The following PLCL2 variants were observed in gnomAD, a reference collection of about 807,000 sequenced individuals.
PLCL2 encodes inactive phospholipase C-like protein 2.
PLCL2 carries 4 observed loss-of-function variants against 79.6 expected under a neutral mutation model. That is an observed-to-expected ratio of 0.05 (90% CI 0.02 to 0.11). PLCL2 has a LOEUF of 0.11. PLCL2 is among the 10% of genes least tolerant of loss of function. The pLI, the probability that PLCL2 is intolerant of heterozygous loss-of-function variation, is 1.00. For missense variants in PLCL2, 895 were observed against 1,291.0 expected (o/e 0.69, Z 4.70); for synonymous variants, 484 against 457.7 (o/e 1.06, Z -0.73).
chr3:17,059,454 A>G (rs61394289), intron 4 of PLCL2, among the ~76,000 whole-genome samples: 11 of 98,066 alleles, frequency 1.1e-4, no homozygotes, highest in East Asian at 6.4e-4. Context: ...GTGTGTGTGT[A>G]TATATATGTG....
chr3:16,977,971 A>T (rs559031677), intron 1 of PLCL2, among the ~76,000 whole-genome samples: 11 of 152,280 alleles, frequency 7.2e-5, no homozygotes, highest in African/African-American at 2.4e-4. Flanking sequence ...CACTAATCCC[A>T]TTTATTAGGG....
At chr3:16,907,753 T>C (rs1464697285) in intron 1 of PLCL2, among the ~76,000 whole-genome samples, 1 of 152,210 alleles carries the variant, frequency 6.6e-6, no homozygotes, top group Non-Finnish European at 1.5e-5. Context: ...TTAGCAATTT[T>C]TTTTTTGGTA....
intron 1 of PLCL2, among the ~76,000 whole-genome samples, chr3:16,891,118 G>T (rs1696339255): frequency 6.6e-6 from 1 of 152,204 alleles, no homozygotes; most frequent in African/African-American, 2.4e-5. Flanking sequence ...GCCACATGTT[G>T]CGTATCTGGA....
chr3:16,934,813 CGTG>C (rs1697500292), intron 1 of PLCL2, among the ~76,000 whole-genome samples: 1 of 152,140 alleles, frequency 6.6e-6, no homozygotes, highest in Admixed American at 6.5e-5. Flanking sequence ...AATTTTGAGA[CGTG>C]GGCATGGAGG....
At chr3:16,991,744 A>G (rs2064107403) in intron 1 of PLCL2, among the ~76,000 whole-genome samples, 1 of 152,188 alleles carries the variant, frequency 6.6e-6, no homozygotes, top group East Asian at 1.9e-4. Flanking sequence ...TAATGCTTTC[A>G]AAGTAATGCT....
chr3:16,884,983 GGCGGGGAC>G lies in PLCL2; in HGVS notation c.-45_-38del, dbSNP rs1311387585. On this transcript the variant is annotated 5_prime_UTR_variant, in exon 1 of 6. Coordinates refer to ENST00000615277, the MANE Select transcript of PLCL2 (RefSeq NM_001144382.2). This position sits in a 1 kb window ranked among gnomAD's most constrained non-coding sequence, Gnocchi z 9.3. Reference sequence around the variant, plus strand: ...GCCGCGCGCGGCGGCCCGAGGCGGCGGCGGGGACGCGGGGACGCGAGGACGCGGCTTTG... The same window carrying G: ...GCCGCGCGCGGCGGCCCGAGGCGGCGGCGGGGACGCGAGGACGCGGCTTTG... 17 of 182,234 alleles carry G rather than the reference GGCGGGGAC, an allele frequency of 9.3e-5. No homozygotes were observed. Among genetic ancestry groups the G allele is most frequent in the Middle Eastern group, 2.2e-3 (1 of 462 alleles). 11.3% of individuals were successfully genotyped at this position (182,234 alleles called of 1,614,324 possible). A position where few individuals can be genotyped will look rare whatever the true frequency, so the allele number is the denominator to read the frequency against.
In PLCL2 at chr3:17,014,868, T is replaced by C; in HGVS notation, c.2975T>C (p.Ile992Thr). The change falls in exon 3 of 6, where the codon ATT (isoleucine) becomes ACT (threonine). Residue 992 changes from isoleucine to threonine, a missense_variant. By Grantham distance (89) the Ile-to-Thr change is moderately conservative (BLOSUM62 -1). Around this residue, in one of 6 missense-constraint regions of PLCL2, gnomAD observed 298 missense variants for 459.6 expected, o/e 0.65. Coordinates refer to ENST00000615277, the MANE Select transcript of PLCL2 (RefSeq NM_001144382.2). ...TACCCCACAATGGAGCTGCAGGGAA[T>C]TGTGCCGGAGGTTCTGAAGAAGATC... ...EQYPTMELQG[I>T]VPEVLKKIVT... The C allele has an allele frequency of 1.2e-6, 2 of 1,614,132 alleles. No individual in the cohort carries two copies. The highest frequency in any genetic ancestry group is 1.7e-6 in the Non-Finnish European group (2 of 1,179,998).
intron 4 of PLCL2, among the ~76,000 whole-genome samples, chr3:17,059,450 G>GTGTATATATATATACACT (rs1553649924): frequency 0.41 from 60,644 of 146,850 alleles, 13,648 homozygotes; most frequent in African/African-American, 0.58. Context: ...ATGTGTGTGT[G>GTGTATATATATATACACT]TGTATATATA....
At chr3:16,971,442 G>A (rs1343525335) in intron 1 of PLCL2, among the ~76,000 whole-genome samples, 1 of 151,326 alleles carries the variant, frequency 6.6e-6, no homozygotes, top group African/African-American at 2.4e-5. Flanking sequence ...TGGTACCAAG[G>A]TTACTGTAGC....
rs568457343 is a variant in PLCL2 at position 16,927,525 on chromosome 3, G to T, written c.327+42159G>T. ...TCTGGGGCATGAACAAGTTTTTATG[G>T]CTTGGTGGCATCAGAAGTTTAAGAG... On this transcript the variant is annotated intron_variant, in intron 1 of 5. Coordinates refer to ENST00000615277, the MANE Select transcript of PLCL2 (RefSeq NM_001144382.2). Among the ~76,000 whole-genome samples the T allele has an allele frequency of 7.9e-4, 121 of 152,278 alleles. 2 individuals are homozygous for T. In the South Asian group the frequency reaches 0.024, roughly 31 times the overall value.
chr3:16,918,225 G>C (rs543085434), intron 1 of PLCL2, among the ~76,000 whole-genome samples: 48 of 152,226 alleles, frequency 3.2e-4, no homozygotes, highest in African/African-American at 9.9e-4. Flanking sequence ...AGTCAGCAAG[G>C]CATTTAAACC....
chr3:16,902,855 T>TGTGC lies in PLCL2; in HGVS notation c.327+17492_327+17493insCGTG, dbSNP rs1381208443. On this transcript the variant is annotated intron_variant, in intron 1 of 5. Coordinates refer to ENST00000615277, the MANE Select transcript of PLCL2 (RefSeq NM_001144382.2). ...AAAAAAAAAAAAAAAATGCAGTGCG[T>TGTGC]GTGTGTGTGTGTGTGTGTGTGTGTG... is the stretch of plus-strand genomic sequence containing the variant. 3.3e-3 allele frequency among the ~76,000 whole-genome samples: 61 copies of TGTGC among 18,704 alleles called. 1 individual carries two copies. The highest frequency in any genetic ancestry group is 0.029 in the Admixed American group (47 of 1,626). The allele number at this position is 18,704 out of a possible 152,430, so 12.3% of individuals were successfully genotyped here. A position where few individuals can be genotyped will look rare whatever the true frequency, so the allele number is the denominator to read the frequency against.
Position 17,009,623 on chromosome 3 carries a change from T to C in PLCL2, c.328-51T>C, listed in dbSNP as rs1292785427. On this transcript the variant is annotated intron_variant, in intron 1 of 5. Coordinates refer to ENST00000615277, the MANE Select transcript of PLCL2 (RefSeq NM_001144382.2). This position sits in a 1 kb window ranked among gnomAD's most constrained non-coding sequence, Gnocchi z 4.0. Reference sequence around the variant, plus strand: ...AAATTTCTATTCATAATCTTGAACATAGAAACCTATATTTATGTTATTCTA... The same window carrying C: ...AAATTTCTATTCATAATCTTGAACACAGAAACCTATATTTATGTTATTCTA... The C allele has an allele frequency of 5.3e-6, 5 of 945,682 alleles. No homozygotes were observed. Among genetic ancestry groups the C allele is most frequent in the Non-Finnish European group, 1.6e-6 (1 of 641,674 alleles). 58.6% of individuals were successfully genotyped at this position (945,682 alleles called of 1,614,324 possible).
intron 3 of PLCL2, among the ~76,000 whole-genome samples, chr3:17,016,971 T>C (rs2064392058): frequency 6.6e-6 from 1 of 152,202 alleles, no homozygotes; most frequent in Non-Finnish European, 1.5e-5. Context: ...GATAACAGCA[T>C]AACAGGGCAG....
At chr3:17,062,540 T>C (rs1297840835) in intron 4 of PLCL2, among the ~76,000 whole-genome samples, 1 of 152,226 alleles carries the variant, frequency 6.6e-6, no homozygotes, top group Non-Finnish European at 1.5e-5. Context: ...AGTGTTACGT[T>C]TCACCTTTAA....
At chr3:16,885,398 C>A (rs981053008) in intron 1 of PLCL2, 32 bp downstream of exon 1, 11 of 564,596 alleles carry the variant, frequency 1.9e-5, no homozygotes, top group Non-Finnish European at 3.1e-5. Flanking sequence ...ATCGCCCACC[C>A]TCAGCCGTCC....
intron 3 of PLCL2, among the ~76,000 whole-genome samples, chr3:17,025,536 T>G (rs2064508736): frequency 6.6e-6 from 1 of 152,208 alleles, no homozygotes; most frequent in Non-Finnish European, 1.5e-5. Flanking sequence ...GGAATATACT[T>G]TATAAAATGA....
chr3:16,915,434 A>G (rs1204263433), intron 1 of PLCL2, among the ~76,000 whole-genome samples: 1 of 152,156 alleles, frequency 6.6e-6, no homozygotes, highest in African/African-American at 2.4e-5. Context: ...TACTGTTAGA[A>G]TCTTTGAAAT....
chr3:16,973,006 C>T (rs1051867525), intron 1 of PLCL2, among the ~76,000 whole-genome samples: 1 of 152,034 alleles, frequency 6.6e-6, no homozygotes, highest in South Asian at 2.1e-4. Flanking sequence ...TTGATATGTG[C>T]AGATTTGATC....
Sources: gnomAD v4.1 joint callset for allele counts (sites outside exome capture counted in the v4.1 genomes callset) on GRCh38, gnomAD v4.1.1 for gene constraint, gnomAD v4.1.1 regional missense constraint, Gnocchi (gnomAD v3.1) non-coding constraint, MANE v1.5 for transcripts, NCBI Gene and HGNC (gene_info 2026-07-23, HGNC 2026-07-21) for gene names.